DDR2: variants seen among roughly 807,000 people sequenced by gnomAD.
The protein encoded by DDR2 is discoidin domain receptor tyrosine kinase 2, also known as discoidin domain-containing receptor 2.
A neutral mutation model predicts 94.9 loss-of-function variants in DDR2; 27 were observed. The observed-to-expected ratio is 0.28, with a 90% CI of 0.21 to 0.39. The LOEUF (loss-of-function observed/expected upper bound fraction) is 0.39, where lower values mean the gene tolerates loss of function less well. Among genes scored for constraint, DDR2 ranks in the 10% least tolerant of loss-of-function variants. The pLI is 1.00. For missense variants in DDR2, 783 were observed against 1,076.0 expected (o/e 0.73, Z 3.81); for synonymous variants, 382 against 377.2 (o/e 1.01, Z -0.15).
At chr1:162,724,031 G>A (rs948283483) in intron 3 of DDR2, among the ~76,000 whole-genome samples, 8 of 152,146 alleles carry the variant, frequency 5.3e-5, no homozygotes, top group Non-Finnish European at 8.8e-5. Flanking sequence ...AGTTCTTAGG[G>A]TCAGGCAACT....
intron 2 of DDR2, among the ~76,000 whole-genome samples, chr1:162,671,254 C>G (rs766929716): frequency 2.9e-4 from 44 of 152,250 alleles, no homozygotes; most frequent in Middle Eastern, 3.4e-3. Flanking sequence ...TTCTCATCAG[C>G]TCAGTTCCTA....
At position 162,737,308 on chromosome 1, in the gene DDR2, C is replaced by A. The variant is rs1200857269; in HGVS notation, c.83-15787C>A. On this transcript the variant is annotated intron_variant, in intron 3 of 17. Transcript: ENST00000367921. The stretch of plus-strand genomic sequence containing the variant: ...TCTCTCCCAATGCTATCCCTCCCCC[C>A]TCCCCCGACCCCACCACAGTCCCCA... Among the ~76,000 whole-genome samples, 885 of 122,568 alleles carry A rather than the reference C, an allele frequency of 7.2e-3. 13 individuals carry two copies. Among genetic ancestry groups the A allele is most frequent in the African/African-American group, 0.026 (850 of 33,054 alleles). 80.4% of individuals were successfully genotyped at this position (122,568 alleles called of 152,430 possible). A position where few individuals can be genotyped will look rare whatever the true frequency, so the allele number is the denominator to read the frequency against.
chr1:162,730,813 TC>T (rs1244121752), intron 3 of DDR2, among the ~76,000 whole-genome samples: 2 of 152,096 alleles, frequency 1.3e-5, no homozygotes, highest in South Asian at 2.1e-4. Flanking sequence ...ACATTCCCCC[TC>T]CACACAGCCC....
chr1:162,720,974 C>T (rs149015267), intron 3 of DDR2, among the ~76,000 whole-genome samples: 108 of 152,256 alleles, frequency 7.1e-4, no homozygotes, highest in African/African-American at 2.4e-3. Flanking sequence ...TGAAGGAGCC[C>T]AGTGCCTTGT....
chr1:162,766,020 C>T lies in DDR2; in HGVS notation c.1119C>T (p.Asn373=). Residue 373 remains asparagine, a synonymous_variant, in exon 10 of 18, where the codon AAC becomes AAT. Coordinates refer to ENST00000367921, the MANE Select transcript of DDR2 (RefSeq NM_006182.4). ...TFQSDAAMYN[N]SEALPTSPMA... is the part of the protein sequence containing the mutation. ...TAACAGATGCTGCAATGTACAACAA[C>T]TCTGAAGCCCTGCCCACCTCTCCTA... 6.2e-7 allele frequency: 1 copy of T among 1,613,962 alleles called. No individual in the cohort carries two copies. The highest frequency in any genetic ancestry group is 8.5e-7 in the Non-Finnish European group (1 of 1,180,000).
intron 2 of DDR2, among the ~76,000 whole-genome samples, chr1:162,692,534 G>C (rs1448798977): frequency 2.0e-5 from 3 of 152,194 alleles, no homozygotes; most frequent in African/African-American, 7.2e-5. Context: ...ATATCCAAAT[G>C]ACATGAAAAG....
intron 3 of DDR2, among the ~76,000 whole-genome samples, chr1:162,737,168 T>A (rs1169064386): frequency 6.6e-6 from 1 of 151,728 alleles, no homozygotes; most frequent in African/African-American, 2.4e-5. Context: ...AATTTTTTTT[T>A]TTATTATACT....
At chr1:162,735,295 G>A (rs1269688044) in intron 3 of DDR2, among the ~76,000 whole-genome samples, 1 of 152,146 alleles carries the variant, frequency 6.6e-6, no homozygotes, top group Non-Finnish European at 1.5e-5. Flanking sequence ...AGAGCTGGAC[G>A]AGTCGAGGAA....
In DDR2 at chr1:162,772,161, C is replaced by T; in HGVS notation, c.1642C>T (p.Leu548Phe). Reference sequence around the variant, plus strand: ...AGTGCCTGCCGTCACCATGGACCTGCTCTCAGGAAAAGATGTGGCTGTGGA... The same window carrying T: ...AGTGCCTGCCGTCACCATGGACCTGTTCTCAGGAAAAGATGTGGCTGTGGA... ...YSVPAVTMDL[L>F]SGKDVAVEEF... The change falls in exon 13 of 18, where the codon CTC (leucine) becomes TTC (phenylalanine). Residue 548 changes from leucine (L) to phenylalanine (F), a missense_variant. Physicochemically the swap from Leu to Phe is conservative, Grantham distance 22 (BLOSUM62 0). Transcript: ENST00000367921. The T allele has an allele frequency of 6.2e-7, 1 of 1,614,206 alleles. No individual in the cohort carries two copies. The highest frequency in any genetic ancestry group is 8.5e-7 in the Non-Finnish European group (1 of 1,180,036).
In DDR2 at chr1:162,781,878, C is replaced by G. The variant is rs537826800; in HGVS notation, c.*1632C>G. ...AGCTGAGAAGGATTAGCCTTGACCC[C>G]TTGGGTCTGCCTCTGTTGCCCTCAC... On this transcript the variant is annotated 3_prime_UTR_variant, in exon 18 of 18. Transcript: ENST00000367921. 1.3e-5 allele frequency: 2 copies of G among 152,338 alleles called. No homozygotes were observed. Among genetic ancestry groups the G allele is most frequent in the Admixed American group, 6.5e-5 (1 of 15,304 alleles). 9.4% of individuals were successfully genotyped at this position (152,338 alleles called of 1,614,324 possible).
chr1:162,727,020 A>C (rs1408154467), intron 3 of DDR2, among the ~76,000 whole-genome samples: 2 of 148,048 alleles, frequency 1.4e-5, no homozygotes, highest in African/African-American at 4.9e-5. Flanking sequence ...TGAAACAAAT[A>C]TAATATATAT....
chr1:162,685,000 G>A (rs12024691), intron 2 of DDR2, among the ~76,000 whole-genome samples: 96,868 of 152,026 alleles, frequency 0.64, 32,845 homozygotes, highest in Middle Eastern at 0.8. Context: ...TTTCCCTCTC[G>A]GGCTAGTGAG....
intron 2 of DDR2, among the ~76,000 whole-genome samples, chr1:162,698,915 G>A (rs905969639): frequency 2.6e-5 from 4 of 152,184 alleles, no homozygotes; most frequent in Non-Finnish European, 5.9e-5. Flanking sequence ...AGAAAAGGAA[G>A]GCAGATCAGC....
At position 162,764,392 on chromosome 1, in the gene DDR2, TAAAAAAAA is replaced by T. The variant is rs375251287; in HGVS notation, c.1100-1597_1100-1590del. Among the ~76,000 whole-genome samples the T allele has an allele frequency of 3.3e-5, 4 of 122,600 alleles. 1 individual carries two copies. The highest frequency in any genetic ancestry group is 5.4e-4 in the South Asian group (2 of 3,700). The allele number at this position is 122,600 out of a possible 152,430, so 80.4% of individuals were successfully genotyped here. The stretch of plus-strand genomic sequence containing the variant: ...GGAAGATGAAAGATACAGAATGCTT[TAAAAAAAA>T]AAAAAAAAAAAGAAATGTCCAAAGC... On this transcript the variant is annotated intron_variant, in intron 9 of 17. Coordinates refer to ENST00000367921, the MANE Select transcript of DDR2 (RefSeq NM_006182.4).
rs527999773 is a variant in DDR2 at position 162,707,068 on chromosome 1, G to A, written c.-27-11969G>A. ...TGGTGCTAATCCAACTGCTGAATGA[G>A]GCTTTCAGGCTCTGGGATTCAGGCA... is the stretch of plus-strand genomic sequence containing the variant. On this transcript the variant is annotated intron_variant, in intron 2 of 17. Coordinates refer to ENST00000367921, the MANE Select transcript of DDR2 (RefSeq NM_006182.4). Among the ~76,000 whole-genome samples the A allele has an allele frequency of 5.5e-4, 84 of 152,274 alleles. 1 individual carries two copies. Among genetic ancestry groups the A allele is most frequent in the African/African-American group, 1.9e-3 (78 of 41,560 alleles).
intron 2 of DDR2, among the ~76,000 whole-genome samples, chr1:162,681,729 A>G (rs4354518): frequency 0.69 from 104,064 of 151,888 alleles, 37,047 homozygotes; most frequent in Middle Eastern, 0.82. Flanking sequence ...TATCCACAAG[A>G]GCTCTGTCCT....
At chr1:162,639,266 A>G (rs539073280) in intron 1 of DDR2, among the ~76,000 whole-genome samples, 9 of 152,356 alleles carry the variant, frequency 5.9e-5, no homozygotes, top group African/African-American at 1.7e-4. Flanking sequence ...TAATCAATAC[A>G]TTGTGGTACT....
chr1:162,713,750 G>T (rs1661031414), intron 2 of DDR2, among the ~76,000 whole-genome samples: 1 of 151,402 alleles, frequency 6.6e-6, no homozygotes, highest in Non-Finnish European at 1.5e-5. Context: ...TATCCTACTG[G>T]TAGACATTTT....
At chr1:162,726,077 A>G (rs567888431) in intron 3 of DDR2, among the ~76,000 whole-genome samples, 172 of 152,152 alleles carry the variant, frequency 1.1e-3, no homozygotes, top group Non-Finnish European at 2.0e-3. Flanking sequence ...CTCACCTATC[A>G]CTGATCGCTG....
Sources: allele counts gnomAD v4.1 joint callset (sites outside exome capture counted in the v4.1 genomes callset), GRCh38; gene constraint gnomAD v4.1.1; transcripts MANE v1.5; gene names NCBI Gene and HGNC (gene_info 2026-07-23, HGNC 2026-07-21).